Variants in SPAG16 observed in about 807,000 individuals in gnomAD.
SPAG16 encodes sperm-associated antigen 16 protein.
Under a neutral mutation model 80.4 loss-of-function variants are expected in SPAG16, and 86 were observed. That is an observed-to-expected ratio of 1.07 (90% CI 0.90 to 1.28). SPAG16 has a LOEUF of 1.28. Among genes scored for constraint, SPAG16 ranks in the 50% most tolerant of loss-of-function variants. The pLI is 0.00. For synonymous variants in SPAG16, 294 were observed against 265.9 expected (o/e 1.11, Z -1.03); for missense variants, 870 against 765.3 (o/e 1.14, Z -1.61).
At chr2:214,376,692 A>G (rs572884712) in intron 15 of SPAG16, among the ~76,000 whole-genome samples, 67 of 152,186 alleles carry the variant, frequency 4.4e-4, no homozygotes, top group Non-Finnish European at 8.4e-4. Context: ...GGCACTGAAC[A>G]TTCTCTGACA....
At chr2:213,524,968 T>G (rs1575835778) in intron 10 of SPAG16, among the ~76,000 whole-genome samples, 1 of 152,054 alleles carries the variant, frequency 6.6e-6, no homozygotes, top group African/African-American at 2.4e-5. Context: ...AATGATATGG[T>G]TTGGCTGTTT....
chr2:213,648,977 AT>A (rs142372618), intron 10 of SPAG16, among the ~76,000 whole-genome samples: 1,974 of 152,326 alleles, frequency 0.013, 17 homozygotes, highest in South Asian at 0.036. Flanking sequence ...CTGAAAAAAA[AT>A]AATCTAAATG....
At chr2:214,186,445 G>A (rs2057478345) in intron 15 of SPAG16, among the ~76,000 whole-genome samples, 1 of 152,070 alleles carries the variant, frequency 6.6e-6, no homozygotes, top group Non-Finnish European at 1.5e-5. Context: ...AGAAGAATGA[G>A]GAGTGAAGAT....
At chr2:213,463,752 A>C (rs2072516963) in intron 9 of SPAG16, among the ~76,000 whole-genome samples, 1 of 152,248 alleles carries the variant, frequency 6.6e-6, no homozygotes, top group Non-Finnish European at 1.5e-5. Context: ...AAACTCTGCT[A>C]GGGGAGTGCA....
At chr2:213,766,857 C>T (rs554788515) in intron 10 of SPAG16, among the ~76,000 whole-genome samples, 1 of 152,314 alleles carries the variant, frequency 6.6e-6, no homozygotes, top group South Asian at 2.1e-4. Context: ...TTCTGGCCTG[C>T]AGCTTCCTTT....
intron 12 of SPAG16, among the ~76,000 whole-genome samples, chr2:214,008,558 G>A (rs145913115): frequency 0.066 from 10,070 of 151,932 alleles, 412 homozygotes; most frequent in African/African-American, 0.11. Context: ...CAGCCTGGCC[G>A]ACATGGTGAA....
chr2:214,251,109 G>A (rs563132907), intron 15 of SPAG16, among the ~76,000 whole-genome samples: 1 of 151,672 alleles, frequency 6.6e-6, no homozygotes, highest in Admixed American at 6.6e-5. Context: ...ATTTTTTAAT[G>A]TTCTTTCCTA....
intron 12 of SPAG16, among the ~76,000 whole-genome samples, chr2:214,013,617 T>A (rs1189368180): frequency 6.6e-6 from 1 of 152,180 alleles, no homozygotes; most frequent in East Asian, 1.9e-4. Context: ...TCTGATGAAT[T>A]AGTGCAAAAT....
At chr2:213,478,196 C>T (rs1439730183) in intron 9 of SPAG16, among the ~76,000 whole-genome samples, 1 of 152,102 alleles carries the variant, frequency 6.6e-6, no homozygotes, top group Non-Finnish European at 1.5e-5. Context: ...ATAAATTGCC[C>T]AGTCTTGGGT....
chr2:213,864,817 A>G (rs2075621695), intron 11 of SPAG16, among the ~76,000 whole-genome samples: 2 of 152,028 alleles, frequency 1.3e-5, no homozygotes, highest in Admixed American at 6.6e-5. Flanking sequence ...ACTGACCCCA[A>G]TCAATCTTCT....
chr2:213,932,801 GA>G (rs1247285592), intron 12 of SPAG16, among the ~76,000 whole-genome samples: 4 of 152,168 alleles, frequency 2.6e-5, no homozygotes, highest in African/African-American at 9.7e-5. Context: ...GTGCTAATCA[GA>G]ATCTATGAAC....
chr2:214,231,151 T>C (rs1405556819), intron 15 of SPAG16, among the ~76,000 whole-genome samples: 1 of 151,968 alleles, frequency 6.6e-6, no homozygotes, highest in Non-Finnish European at 1.5e-5. Context: ...CAGTGCTTAA[T>C]GGAAACAACT....
intron 13 of SPAG16, among the ~76,000 whole-genome samples, chr2:214,061,138 G>T (rs765416175): frequency 9.9e-5 from 15 of 152,078 alleles, no homozygotes; most frequent in Non-Finnish European, 1.6e-4. Flanking sequence ...ATCTTCAAAC[G>T]GATCTCCTGA....
intron 15 of SPAG16, chr2:214,239,129 C>A (rs1689287892): frequency 6.6e-6 from 1 of 152,068 alleles, no homozygotes; most frequent in Non-Finnish European, 1.5e-5. Context: ...CTTGTGGCCT[C>A]AAGTAATTCT....
chr2:214,137,266 AT>A (rs2055106194), intron 14 of SPAG16, among the ~76,000 whole-genome samples: 1 of 152,024 alleles, frequency 6.6e-6, no homozygotes, highest in Admixed American at 6.6e-5. Flanking sequence ...GCATGCTGCT[AT>A]TTTCATTGAA....
chr2:214,166,847 G>A (rs898299699), intron 15 of SPAG16, among the ~76,000 whole-genome samples: 7 of 152,108 alleles, frequency 4.6e-5, no homozygotes, highest in Admixed American at 4.6e-4. Context: ...AAGTAAAAAT[G>A]TTTCTGTACA....
intron 15 of SPAG16, among the ~76,000 whole-genome samples, chr2:214,189,776 A>G (rs2125693291): frequency 6.6e-6 from 1 of 152,206 alleles, no homozygotes; most frequent in East Asian, 1.9e-4. Flanking sequence ...TATATAGTTA[A>G]GTCCTTTATT....
At chr2:214,107,937 T>A (rs965731595) in intron 13 of SPAG16, among the ~76,000 whole-genome samples, 1 of 151,868 alleles carries the variant, frequency 6.6e-6, no homozygotes, top group African/African-American at 2.4e-5. Flanking sequence ...TTAGTGAGAG[T>A]TTACTACCAG....
At chr2:214,096,076 A>G (rs942951159) in intron 13 of SPAG16, among the ~76,000 whole-genome samples, 4 of 151,990 alleles carry the variant, frequency 2.6e-5, no homozygotes, top group Non-Finnish European at 4.4e-5. Context: ...AAGTATTTAA[A>G]TTTTGACTCT....
Sources: allele counts gnomAD v4.1 joint callset (sites outside exome capture counted in the v4.1 genomes callset), GRCh38; gene constraint gnomAD v4.1.1; transcripts MANE v1.5; gene names NCBI Gene and HGNC (gene_info 2026-07-23, HGNC 2026-07-21).